HEATR4: variants seen among roughly 807,000 people sequenced by gnomAD.
The protein encoded by HEATR4 is HEAT repeat containing 4, also known as HEAT repeat-containing protein 4.
A neutral mutation model predicts 108.8 loss-of-function variants in HEATR4; 95 were observed. That is an observed-to-expected ratio of 0.87 (90% CI 0.74 to 1.04). HEATR4 has a LOEUF of 1.04. HEATR4 is among the 50% of genes least tolerant of loss of function. The probability of loss-of-function intolerance (pLI) is 0.00; values close to 1 mark genes in which losing one functional copy is unlikely to be tolerated. For synonymous variants in HEATR4, 443 were observed against 459.4 expected (o/e 0.96, Z 0.46); for missense variants, 1,152 against 1,253.8 (o/e 0.92, Z 1.23).
the HEATR4 span, among the ~76,000 whole-genome samples, chr14:73,606,144 G>A: frequency 1.8e-4 from 27 of 152,152 alleles, no homozygotes; most frequent in Admixed American, 3.9e-4. Context: ...CCTCCCTGAC[G>A]TCGGGAGTTC....
the HEATR4 span, among the ~76,000 whole-genome samples, chr14:73,620,942 C>T: frequency 1.3e-5 from 2 of 151,934 alleles, no homozygotes; most frequent in South Asian, 2.1e-4. Context: ...CGGTGGCTCA[C>T]GCCTGTAGTC....
At chr14:73,606,186 G>A in the HEATR4 span, among the ~76,000 whole-genome samples, 26 of 152,028 alleles carry the variant, frequency 1.7e-4, no homozygotes, top group East Asian at 1.7e-3. Context: ...GAGAAAACCC[G>A]TCTCTACTAA....
the HEATR4 span, chr14:73,569,040 C>T: frequency 1.5e-6 from 1 of 663,864 alleles, no homozygotes; most frequent in Non-Finnish European, 2.5e-6. Flanking sequence ...GCCCATTCCG[C>T]AGGCCAGCAA....
chr14:73,633,007 CTTTT>C, the HEATR4 span, among the ~76,000 whole-genome samples: 1 of 122,076 alleles, frequency 8.2e-6, no homozygotes, highest in African/African-American at 3.2e-5. Context: ...CTCTCTCTCT[CTTTT>C]TTTTTTTTTT....
intron 5 of HEATR4, among the ~76,000 whole-genome samples, chr14:73,517,956 C>G (rs548142369): frequency 1.4e-4 from 21 of 151,930 alleles, no homozygotes; most frequent in Middle Eastern, 3.4e-3. Context: ...TGTGGTGGCG[C>G]GCACCTGTAG....
chr14:73,537,355 T>G, intron 1 of HEATR4: 1 of 1,181,240 alleles, frequency 8.5e-7, no homozygotes. Context: ...AGAGGAAGAG[T>G]TGGGCAGAGT....
At chr14:73,489,115 C>CACT (rs78853244) in intron 17 of HEATR4, among the ~76,000 whole-genome samples, 21,615 of 152,134 alleles carry the variant, frequency 0.14, 2,206 homozygotes, top group Non-Finnish European at 0.21. Context: ...CTCAACACTA[C>CACT]ACTACTGACA....
At chr14:73,633,284 C>CGT in the HEATR4 span, among the ~76,000 whole-genome samples, 1 of 152,138 alleles carries the variant, frequency 6.6e-6, no homozygotes, top group Non-Finnish European at 1.5e-5. Flanking sequence ...GGATTACAGG[C>CGT]GTGAGCCACT....
chr14:73,491,776 C>G, intron 17 of HEATR4: 1 of 1,573,892 alleles, frequency 6.4e-7, no homozygotes, highest in Non-Finnish European at 8.6e-7. Context: ...TGCTGCGCAA[C>G]GAGGAGGTGC....
At chr14:73,615,128 C>G in the HEATR4 span, among the ~76,000 whole-genome samples, 1 of 151,122 alleles carries the variant, frequency 6.6e-6, no homozygotes, top group Admixed American at 6.6e-5. Flanking sequence ...TGGCTCACGC[C>G]TCTAATCCCG....
At chr14:73,513,097 A>G (rs952432445) in intron 6 of HEATR4, among the ~76,000 whole-genome samples, 9 of 152,200 alleles carry the variant, frequency 5.9e-5, no homozygotes, top group African/African-American at 9.6e-5. Context: ...GACATGGACA[A>G]TGGTTGGACA....
chr14:73,503,113 C>T (rs1886583149), intron 10 of HEATR4, 100 bp from the exon 11 acceptor site: 3 of 921,846 alleles, frequency 3.3e-6, no homozygotes, highest in Non-Finnish European at 5.2e-6. Context: ...CATCACTGTA[C>T]TAATGAGGAT....
intron 5 of HEATR4, among the ~76,000 whole-genome samples, chr14:73,518,181 G>A (rs1887743420): frequency 6.6e-6 from 1 of 152,184 alleles, no homozygotes; most frequent in Non-Finnish European, 1.5e-5. Flanking sequence ...GTGCCTCCAA[G>A]GATAGACTGA....
chr14:73,563,781 G>A (rs892982370), upstream of HEATR4, among the ~76,000 whole-genome samples: 1 of 151,768 alleles, frequency 6.6e-6, no homozygotes, highest in African/African-American at 2.4e-5. Context: ...GGGCAACATA[G>A]CAAGACCCTG....
rs1317091907 is a variant in HEATR4, at chr14:73,532,607, A to C, written c.-151-2363T>G. Among the ~76,000 whole-genome samples the C allele has an allele frequency of 2.6e-5, 3 of 115,252 alleles. 1 individual carries two copies. Among genetic ancestry groups the C allele is most frequent in the Non-Finnish European group, 5.7e-5 (3 of 52,938 alleles). 75.6% of individuals were successfully genotyped at this position (115,252 alleles called of 152,430 possible). On this transcript the variant is annotated intron_variant, in intron 1 of 17. Coordinates refer to ENST00000553558, the MANE Select transcript of HEATR4 (RefSeq NM_001220484.1). ...ACTTTAGCACTTGGGCTCAAGCTGC[A>C]CTCAGATGGTTGGACCACCATAAAA...
intron 17 of HEATR4, among the ~76,000 whole-genome samples, chr14:73,490,811 G>T (rs1595080829): frequency 6.6e-6 from 1 of 150,846 alleles, no homozygotes; most frequent in African/African-American, 2.4e-5. Context: ...TTTGGCAAGG[G>T]TTCTTGCCGC....
chr14:73,573,474 G>A, the HEATR4 span: 1 of 1,613,558 alleles, frequency 6.2e-7, no homozygotes, highest in Non-Finnish European at 8.5e-7. Flanking sequence ...GGCTGGGAAG[G>A]GTTTTGCTGT....
chr14:73,550,938 T>TC (rs1889310322), intron 1 of HEATR4, among the ~76,000 whole-genome samples: 1 of 113,868 alleles, frequency 8.8e-6, no homozygotes, highest in South Asian at 2.8e-4. Flanking sequence ...GGCGGGCCGA[T>TC]ACGAGGTCAG....
At position 73,540,902 on chromosome 14, in the gene HEATR4, C is replaced by A. The variant is rs1487584607; in HGVS notation, c.-151-10658G>T. On this transcript the variant is annotated intron_variant, in intron 1 of 17. Transcript: ENST00000553558. The stretch of plus-strand genomic sequence containing the variant: ...GATTACAGGTGGCCGCCACCACACC[C>A]AGCTAATTTTTGTATTTTTAGTACA... 7.9e-5 allele frequency among the ~76,000 whole-genome samples: 9 copies of A among 113,870 alleles called. 1 individual carries two copies. The highest frequency in any genetic ancestry group is 2.1e-4 in the African/African-American group (7 of 33,742). The allele number at this position is 113,870 out of a possible 152,430, so 74.7% of individuals were successfully genotyped here.
Sources: allele counts gnomAD v4.1 joint callset (sites outside exome capture counted in the v4.1 genomes callset), GRCh38; gene constraint gnomAD v4.1.1; transcripts MANE v1.5; gene names NCBI Gene and HGNC (gene_info 2026-07-23, HGNC 2026-07-21).